Variants in SNRNP70 observed in about 807,000 individuals in gnomAD.
SNRNP70 encodes U1 small nuclear ribonucleoprotein 70 kDa.
SNRNP70 carries 8 observed loss-of-function variants against 50.5 expected under a neutral mutation model. The ratio of observed to expected loss-of-function variants is 0.16; its 90% CI spans 0.09 to 0.29. The LOEUF (loss-of-function observed/expected upper bound fraction) is 0.29, where lower values mean the gene tolerates loss of function less well. Among genes scored for constraint, SNRNP70 ranks in the 10% least tolerant of loss-of-function variants. SNRNP70 has a pLI of 1.00. For missense variants in SNRNP70, 529 were observed against 663.5 expected (o/e 0.80, Z 2.23); for synonymous variants, 320 against 252.9 (o/e 1.27, Z -2.52).
intron 2 of SNRNP70, among the ~76,000 whole-genome samples, chr19:49,086,805 G>A (rs1183352538): frequency 6.6e-6 from 1 of 152,086 alleles, no homozygotes; most frequent in Non-Finnish European, 1.5e-5. Context: ...AGGAGTCGGA[G>A]GCTGGAGTGC....
rs1285485244 is a variant in SNRNP70, at chr19:49,108,022, G to A, written c.893G>A (p.Arg298Gln). The change falls in exon 10 of 10, where the codon CGG becomes CAG. Residue 298 changes from arginine to glutamine, a missense_variant. Coordinates refer to ENST00000598441, the MANE Select transcript of SNRNP70 (RefSeq NM_003089.6). Reference protein sequence around the residue: ...RKRRSSRSRERARRERERKEE... With the variant: ...RKRRSSRSREQARRERERKEE... ...CGGCGAAGCAGCCGGAGTCGGGAGC[G>A]GGCCCGGCGGGAGCGGGAGCGCAAG... is the stretch of plus-strand genomic sequence containing the variant. 9 of 1,547,728 alleles carry A rather than the reference G, an allele frequency of 5.8e-6. No individual in the cohort carries two copies. In the Admixed American group the frequency reaches 5.9e-5, roughly 10 times the overall value.
chr19:49,086,980 GTTGAAGA>G (rs891944565), intron 2 of SNRNP70, among the ~76,000 whole-genome samples: 5 of 151,932 alleles, frequency 3.3e-5, no homozygotes, highest in African/African-American at 4.8e-5. Context: ...GAGGTGAGGA[GTTGAAGA>G]CCAGCCTGGC....
chr19:49,089,441 C>T (rs557800013), intron 2 of SNRNP70, among the ~76,000 whole-genome samples: 1 of 151,548 alleles, frequency 6.6e-6, no homozygotes, highest in South Asian at 2.1e-4. Flanking sequence ...CGCGCCATTG[C>T]ACACCAGCCT....
intron 2 of SNRNP70, among the ~76,000 whole-genome samples, chr19:49,086,886 T>C (rs887474334): frequency 6.6e-6 from 1 of 151,332 alleles, no homozygotes; most frequent in Non-Finnish European, 1.5e-5. Flanking sequence ...AAAAAATTTT[T>C]TTTTTAAGTG....
At chr19:49,105,261 C>T (rs1190548836) in intron 8 of SNRNP70, among the ~76,000 whole-genome samples, 2 of 152,094 alleles carry the variant, frequency 1.3e-5, no homozygotes, top group African/African-American at 2.4e-5. Context: ...CATTCGGTCT[C>T]CTCATTGTCA....
chr19:49,087,127 C>T (rs767523410), intron 2 of SNRNP70, among the ~76,000 whole-genome samples: 1 of 147,746 alleles, frequency 6.8e-6, no homozygotes, highest in Non-Finnish European at 1.5e-5. Flanking sequence ...TTGCAATGAG[C>T]CGAGATCGCG....
chr19:49,097,598 C>T (rs1327470601), intron 4 of SNRNP70, among the ~76,000 whole-genome samples: 1 of 152,174 alleles, frequency 6.6e-6, no homozygotes, highest in Non-Finnish European at 1.5e-5. Flanking sequence ...GAGGGAAACA[C>T]TATACCATGG....
Position 49,097,848 on chromosome 19 carries a change from A to G in SNRNP70, c.266-579A>G, listed in dbSNP as rs1443183613. Among the ~76,000 whole-genome samples the G allele has an allele frequency of 2.6e-5, 4 of 152,026 alleles. No homozygotes were observed. The East Asian group carries it at 7.7e-4, about 29-fold the overall frequency. ...GTGAGAATCTGATCTGACGCTAGTC[A>G]GTTCCTGGGTTCCTTTTTAGAGACA... On this transcript the variant is annotated intron_variant, in intron 4 of 9. Transcript: ENST00000598441.
Position 49,108,072 on chromosome 19 carries a change from G to C in SNRNP70, c.943G>C (p.Asp315His). The C allele has an allele frequency of 6.4e-7, 1 of 1,553,680 alleles. No homozygotes were observed. Among genetic ancestry groups the C allele is most frequent in the Non-Finnish European group, 8.7e-7 (1 of 1,149,924 alleles). Residue 315 changes from aspartate to histidine, a missense_variant, in exon 10 of 10, where the codon GAC (aspartate) becomes CAC (histidine). Around this residue, in one of 4 missense-constraint regions of SNRNP70, gnomAD observed 327 missense variants for 308.8 expected, o/e 1.06. Transcript: ENST00000598441. Reference sequence around the variant, plus strand: ...GGAGGAGCTGCGTGGCGGCGGTGGCGACATGGCGGAGCCCTCCGAGGCGGG... The same window carrying C: ...GGAGGAGCTGCGTGGCGGCGGTGGCCACATGGCGGAGCCCTCCGAGGCGGG... Reference protein sequence around the residue: ...RKEELRGGGGDMAEPSEAGDA... With the variant: ...RKEELRGGGGHMAEPSEAGDA...
In SNRNP70 at chr19:49,090,277, CTT is replaced by C. The variant is rs749823809; in HGVS notation, c.148-13_148-12del. ...CAGTCCTTCCCACCCTGTCACCTCT[CTT>C]CTTGTTCCCAGGACCCTCGAGATGC... is the stretch of plus-strand genomic sequence containing the variant. On this transcript the variant is annotated splice_polypyrimidine_tract_variant and intron_variant, in intron 2 of 9. Coordinates refer to ENST00000598441, the MANE Select transcript of SNRNP70 (RefSeq NM_003089.6). 1 of 1,613,058 alleles carries C rather than the reference CTT, an allele frequency of 6.2e-7. No individual in the cohort carries two copies. Among genetic ancestry groups the C allele is most frequent in the Non-Finnish European group, 8.5e-7 (1 of 1,179,476 alleles).
intron 6 of SNRNP70, among the ~76,000 whole-genome samples, chr19:49,099,769 G>A (rs936166898): frequency 2.0e-5 from 3 of 151,042 alleles, no homozygotes; most frequent in South Asian, 2.1e-4. Context: ...TAGGCTGGGC[G>A]TGGTAGCTCA....
At chr19:49,085,675 G>T (rs1369447671) in intron 1 of SNRNP70, 39 bp downstream of exon 1, 1 of 455,334 alleles carries the variant, frequency 2.2e-6, no homozygotes, top group Non-Finnish European at 4.4e-6. Flanking sequence ...GGGGTGCGGG[G>T]CCGCTACCCA....
chr19:49,108,580 AAAAAT>A lies in SNRNP70; in HGVS notation c.*143_*147del. On this transcript the variant is annotated 3_prime_UTR_variant, in exon 10 of 10. Coordinates refer to ENST00000598441, the MANE Select transcript of SNRNP70 (RefSeq NM_003089.6). Reference sequence around the variant, plus strand: ...TCATTTGTTCTGGCCCCTTGGATTTAAAAATAAAATTAATTTCCTGTTGATAGTGG... The same window carrying A: ...TCATTTGTTCTGGCCCCTTGGATTTAAAAATTAATTTCCTGTTGATAGTGG... 8.6e-7 allele frequency: 1 copy of A among 1,167,038 alleles called. No homozygotes were observed. Among genetic ancestry groups the A allele is most frequent in the Non-Finnish European group, 1.2e-6 (1 of 857,068 alleles). The allele number at this position is 1,167,038 out of a possible 1,614,324, so 72.3% of individuals were successfully genotyped here.
chr19:49,105,741 C>A (rs201659015), intron 8 of SNRNP70, among the ~76,000 whole-genome samples: 19 of 150,388 alleles, frequency 1.3e-4, no homozygotes, highest in South Asian at 1.1e-3. Context: ...AAAAAAAAAA[C>A]AAAAAACAAA....
At chr19:49,100,092 A>T (rs1007781243) in intron 6 of SNRNP70, among the ~76,000 whole-genome samples, 2 of 152,190 alleles carry the variant, frequency 1.3e-5, no homozygotes. Context: ...TCCATGATAC[A>T]GGTTGGTCGC....
At chr19:49,100,044 C>T (rs1252714718) in intron 6 of SNRNP70, among the ~76,000 whole-genome samples, 1 of 152,168 alleles carries the variant, frequency 6.6e-6, no homozygotes, top group African/African-American at 2.4e-5. Flanking sequence ...AGTCAGGAAT[C>T]TTGGTTGTGT....
At chr19:49,086,054 C>T (rs1012633527) in intron 1 of SNRNP70, among the ~76,000 whole-genome samples, 1 of 152,172 alleles carries the variant, frequency 6.6e-6, no homozygotes. Context: ...CTCCACGGCA[C>T]GGGACGAGCA....
Position 49,107,957 on chromosome 19 carries a change from C to T in SNRNP70, c.828C>T (p.Arg276=). ...GTCGCGACAAGGAGGAGCGGAGGCG[C>T]TCCAGGGAGCGGAGCAAGGACAAGG... ...SRSRDKEERR[R]SRERSKDKDR... The change falls in exon 10 of 10, where the codon CGC becomes CGT. Residue 276 remains arginine (R), a synonymous_variant. Transcript: ENST00000598441. This position sits in a 1 kb window ranked among gnomAD's most constrained non-coding sequence, Gnocchi z 6.0. The T allele has an allele frequency of 1.3e-5, 20 of 1,547,802 alleles. No individual in the cohort carries two copies. Among genetic ancestry groups the T allele is most frequent in the Non-Finnish European group, 1.7e-5 (20 of 1,146,128 alleles).
chr19:49,104,386 G>A lies in SNRNP70; in HGVS notation c.476-248G>A, dbSNP rs1600291024. Reference sequence around the variant, plus strand: ...CCGGGGAGCCTAGGGGGTGGCGGGTGAGGGTGGACGTCTCCCCCGACCAGG... The same window carrying A: ...CCGGGGAGCCTAGGGGGTGGCGGGTAAGGGTGGACGTCTCCCCCGACCAGG... On this transcript the variant is annotated intron_variant, in intron 7 of 9. Coordinates refer to ENST00000598441, the MANE Select transcript of SNRNP70 (RefSeq NM_003089.6). The surrounding 1 kb of genome is among the most constrained non-coding windows in gnomAD (Gnocchi z 5.4). 1 of 472,758 alleles carries A rather than the reference G, an allele frequency of 2.1e-6. No homozygotes were observed. Among genetic ancestry groups the A allele is most frequent in the Non-Finnish European group, 3.8e-6 (1 of 262,754 alleles). 29.3% of individuals were successfully genotyped at this position (472,758 alleles called of 1,614,324 possible).
Sources: gnomAD v4.1 joint callset for allele counts (sites outside exome capture counted in the v4.1 genomes callset) on GRCh38, gnomAD v4.1.1 for gene constraint, gnomAD v4.1.1 regional missense constraint, Gnocchi (gnomAD v3.1) non-coding constraint, MANE v1.5 for transcripts, NCBI Gene and HGNC (gene_info 2026-07-23, HGNC 2026-07-21) for gene names.